Variants in PPP2R2B observed in about 807,000 individuals in gnomAD.
PPP2R2B encodes the protein serine/threonine-protein phosphatase 2A 55 kDa regulatory subunit B beta isoform.
In PPP2R2B, 5 loss-of-function variants were observed where a neutral mutation model predicts 46.0. The observed-to-expected ratio is 0.11, with a 90% CI of 0.06 to 0.23. The LOEUF is 0.23. PPP2R2B is among the 10% of genes least tolerant of loss of function. The pLI is 1.00. For missense variants in PPP2R2B, 367 were observed against 575.0 expected, an observed-to-expected ratio of 0.64 and a Z score of 3.70; for synonymous variants, 215 against 206.7, an observed-to-expected ratio of 1.04 and a Z score of -0.34.
chr5:146,695,901 A>G (rs918789319), intron 4 of PPP2R2B, among the ~76,000 whole-genome samples: 4 of 152,226 alleles, frequency 2.6e-5, no homozygotes, highest in African/African-American at 7.2e-5. Flanking sequence ...ATTACATAAG[A>G]ACATGGGAAT....
At chr5:146,594,274 T>G (rs900933193) in intron 8 of PPP2R2B, among the ~76,000 whole-genome samples, 3 of 152,146 alleles carry the variant, frequency 2.0e-5, no homozygotes, top group African/African-American at 7.2e-5. Context: ...GAGAAAGGGT[T>G]GAGAAACAGT....
intron 2 of PPP2R2B, among the ~76,000 whole-genome samples, chr5:147,068,511 T>C (rs1280928222): frequency 6.6e-6 from 1 of 152,248 alleles, no homozygotes; most frequent in Admixed American, 6.5e-5. Context: ...CTGAGTTGTT[T>C]TTAAAATAAA....
intron 1 of PPP2R2B, among the ~76,000 whole-genome samples, chr5:146,923,561 C>T (rs116574675): frequency 9.9e-4 from 150 of 152,238 alleles, no homozygotes; most frequent in Non-Finnish European, 1.3e-3. Context: ...GTGGGTTTGT[C>T]GGAAGCCCTT....
chr5:146,657,234 A>G (rs322982), intron 5 of PPP2R2B, among the ~76,000 whole-genome samples: 5 of 152,192 alleles, frequency 3.3e-5, no homozygotes, highest in Non-Finnish European at 5.9e-5. Flanking sequence ...CCTTCATGAG[A>G]GGAGTTTTTC....
At chr5:147,076,130 G>A (rs997342968) in intron 2 of PPP2R2B, among the ~76,000 whole-genome samples, 8 of 151,934 alleles carry the variant, frequency 5.3e-5, no homozygotes, top group African/African-American at 1.2e-4. Context: ...ATCACACTGC[G>A]TTTCCTGGAT....
chr5:146,626,021 G>C (rs1378443396), intron 7 of PPP2R2B, among the ~76,000 whole-genome samples: 1 of 152,176 alleles, frequency 6.6e-6, no homozygotes, highest in East Asian at 1.9e-4. Flanking sequence ...TTCCCCCCTA[G>C]AGCCTCTAGC....
chr5:146,816,805 G>A (rs1454068970), intron 2 of PPP2R2B, among the ~76,000 whole-genome samples: 1 of 152,186 alleles, frequency 6.6e-6, no homozygotes, highest in African/African-American at 2.4e-5. Flanking sequence ...CAAAATCCAT[G>A]TTCTAATTCC....
At chr5:146,678,631 T>C (rs1177131970) in intron 5 of PPP2R2B, among the ~76,000 whole-genome samples, 1 of 145,634 alleles carries the variant, frequency 6.9e-6, no homozygotes, top group Non-Finnish European at 1.5e-5. Context: ...CATGATTGTA[T>C]ATCTAGAAAA....
chr5:147,009,885 A>ACC (rs1754631091), intron 1 of PPP2R2B, among the ~76,000 whole-genome samples: 1 of 144,480 alleles, frequency 6.9e-6, no homozygotes, highest in Non-Finnish European at 1.5e-5. Context: ...ACACACACAC[A>ACC]CACACACACA....
intron 1 of PPP2R2B, among the ~76,000 whole-genome samples, chr5:147,038,141 T>C (rs1394528307): frequency 2.0e-5 from 3 of 152,120 alleles, no homozygotes; most frequent in Non-Finnish European, 4.4e-5. Flanking sequence ...AGACATAAAT[T>C]CAGTAAACAA....
chr5:147,040,848 A>G, intron 1 of PPP2R2B: 1 of 433,202 alleles, frequency 2.3e-6, no homozygotes, highest in Non-Finnish European at 4.5e-6. Flanking sequence ...GTGCCATTAC[A>G]CATACCTCCC....
intron 6 of PPP2R2B, among the ~76,000 whole-genome samples, chr5:146,647,423 A>T (rs181102602): frequency 6.6e-5 from 10 of 152,312 alleles, no homozygotes; most frequent in African/African-American, 2.2e-4. Flanking sequence ...AGGTGGCTAT[A>T]CTTCAGTGAT....
At chr5:146,662,060 C>T (rs569038020) in intron 5 of PPP2R2B, among the ~76,000 whole-genome samples, 110 of 152,130 alleles carry the variant, frequency 7.2e-4, no homozygotes, top group Non-Finnish European at 1.4e-3. Flanking sequence ...ATTACTTTTT[C>T]CTACTATTAG....
At chr5:146,596,842 A>G (rs558450563) in intron 8 of PPP2R2B, among the ~76,000 whole-genome samples, 1 of 152,290 alleles carries the variant, frequency 6.6e-6, no homozygotes, top group Admixed American at 6.5e-5. Flanking sequence ...TCTCCACTAC[A>G]TATATGGCTG....
At chr5:147,016,505 T>TA (rs1366617143) in intron 1 of PPP2R2B, among the ~76,000 whole-genome samples, 2 of 11,248 alleles carry the variant, frequency 1.8e-4, no homozygotes, top group East Asian at 8.9e-4. Flanking sequence ...GACTTGTAGT[T>TA]AAAAAATATC....
chr5:146,620,156 G>T (rs1037558875), intron 7 of PPP2R2B, among the ~76,000 whole-genome samples: 4 of 152,168 alleles, frequency 2.6e-5, no homozygotes, highest in Admixed American at 1.3e-4. Context: ...TATCTGTGGG[G>T]TTAGAACTTT....
intron 2 of PPP2R2B, among the ~76,000 whole-genome samples, chr5:147,066,331 T>C (rs1178505253): frequency 2.6e-5 from 4 of 152,192 alleles, no homozygotes; most frequent in Non-Finnish European, 4.4e-5. Context: ...CCATGCTGCA[T>C]TGTAAATTCT....
chr5:147,069,835 G>C (rs1482710713), intron 2 of PPP2R2B, among the ~76,000 whole-genome samples: 1 of 111,558 alleles, frequency 9.0e-6, no homozygotes, highest in East Asian at 2.8e-4. Context: ...CTGCCTCCCA[G>C]GCTGGAGTAC....
chr5:146,984,899 C>A (rs1753349823), intron 1 of PPP2R2B, among the ~76,000 whole-genome samples: 1 of 151,896 alleles, frequency 6.6e-6, no homozygotes, highest in Non-Finnish European at 1.5e-5. Flanking sequence ...CTATTCAGGT[C>A]CCTTGCTCCT....
Sources: allele counts gnomAD v4.1 joint callset (sites outside exome capture counted in the v4.1 genomes callset), GRCh38; gene constraint gnomAD v4.1.1; transcripts MANE v1.5; gene names NCBI Gene and HGNC (gene_info 2026-07-23, HGNC 2026-07-21).